Variants in PTBP3 observed in about 807,000 individuals in gnomAD.
The protein encoded by PTBP3 is polypyrimidine tract-binding protein 3.
PTBP3 carries 20 observed loss-of-function variants against 58.7 expected under a neutral mutation model. The observed-to-expected ratio is 0.34, with a 90% CI of 0.24 to 0.50. The LOEUF (loss-of-function observed/expected upper bound fraction) is 0.50, where lower values mean the gene tolerates loss of function less well. PTBP3 is among the 20% of genes least tolerant of loss of function. The probability of loss-of-function intolerance (pLI) is 0.98; values close to 1 mark genes in which losing one functional copy is unlikely to be tolerated. For synonymous variants in PTBP3, 185 were observed against 219.8 expected (o/e 0.84, Z 1.40); for missense variants, 509 against 637.2 (o/e 0.80, Z 2.17).
chr9:112,318,598 A>G (rs1829799921), intron 1 of PTBP3, among the ~76,000 whole-genome samples: 1 of 151,812 alleles, frequency 6.6e-6, no homozygotes, highest in East Asian at 1.9e-4. Context: ...CATCGTGACT[A>G]AAAATATAAA....
At chr9:112,359,061 C>G in the PTBP3 span, among the ~76,000 whole-genome samples, 7 of 152,152 alleles carry the variant, frequency 4.6e-5, no homozygotes, top group Non-Finnish European at 8.8e-5. Flanking sequence ...GTCTCAAACG[C>G]CAGGACTCAG....
intron 9 of PTBP3, among the ~76,000 whole-genome samples, 196 bp downstream of exon 9, chr9:112,231,903 T>TGAAAA (rs1165224340): frequency 8.0e-6 from 1 of 124,332 alleles, no homozygotes; most frequent in Non-Finnish European, 1.7e-5. Context: ...AAATCCTTTC[T>TGAAAA]GAAAAGAAAA....
At chr9:112,351,379 C>T in the PTBP3 span, among the ~76,000 whole-genome samples, 1 of 152,256 alleles carries the variant, frequency 6.6e-6, no homozygotes, top group Non-Finnish European at 1.5e-5. Context: ...AGATAAAGTG[C>T]CATTGACGTC....
At chr9:112,340,789 T>C in the PTBP3 span, among the ~76,000 whole-genome samples, 2 of 151,958 alleles carry the variant, frequency 1.3e-5, no homozygotes, top group African/African-American at 4.8e-5. Context: ...TGAGGCAGAA[T>C]TGTTTGAACC....
chr9:112,352,726 G>T, the PTBP3 span, among the ~76,000 whole-genome samples: 506 of 152,194 alleles, frequency 3.3e-3, 1 homozygote, highest in African/African-American at 0.011. Context: ...AAATCTCACC[G>T]CTTTCCTTGA....
the PTBP3 span, among the ~76,000 whole-genome samples, chr9:112,346,906 T>C: frequency 1.2e-4 from 18 of 152,264 alleles, no homozygotes; most frequent in South Asian, 8.3e-4. Context: ...GTATTTTTAG[T>C]AGAGATGGAG....
chr9:112,278,696 G>A (rs1006627444), intron 2 of PTBP3, among the ~76,000 whole-genome samples: 1 of 152,136 alleles, frequency 6.6e-6, no homozygotes, highest in African/African-American at 2.4e-5. Flanking sequence ...TAAAATACCT[G>A]GGCTATGTTA....
chr9:112,366,427 G>T, the PTBP3 span, among the ~76,000 whole-genome samples: 2 of 152,124 alleles, frequency 1.3e-5, no homozygotes, highest in African/African-American at 4.8e-5. Flanking sequence ...TGGGTCCAGT[G>T]TTCCCAAGCT....
intron 2 of PTBP3, among the ~76,000 whole-genome samples, chr9:112,284,848 T>A (rs1203308271): frequency 2.3e-5 from 1 of 43,282 alleles, no homozygotes; most frequent in East Asian, 4.4e-4. Flanking sequence ...ATCCAATGCC[T>A]GTACCCCCGT....
chr9:112,323,616 A>G (rs1830037575), intron 1 of PTBP3, among the ~76,000 whole-genome samples: 1 of 152,236 alleles, frequency 6.6e-6, no homozygotes. Context: ...AATGCTAGAA[A>G]TAAAAAACAC....
intron 8 of PTBP3, among the ~76,000 whole-genome samples, chr9:112,233,798 A>G (rs1835341195): frequency 6.6e-6 from 1 of 152,024 alleles, no homozygotes; most frequent in African/African-American, 2.4e-5. Flanking sequence ...GGGCGTGGTG[A>G]CATGCACTTC....
intron 1 of PTBP3, among the ~76,000 whole-genome samples, chr9:112,305,737 G>A (rs1829162512): frequency 6.6e-6 from 1 of 152,114 alleles, no homozygotes; most frequent in Non-Finnish European, 1.5e-5. Context: ...TCAGGAGATA[G>A]AGACCACCCT....
In PTBP3 at chr9:112,221,713, T is replaced by G; in HGVS notation, c.*2138A>C. 1.0e-6 allele frequency: 1 copy of G among 985,202 alleles called. No individual in the cohort carries two copies. The highest frequency in any genetic ancestry group is 1.2e-6 in the Non-Finnish European group (1 of 829,724). 61.0% of individuals were successfully genotyped at this position (985,202 alleles called of 1,614,324 possible). On this transcript the variant is annotated 3_prime_UTR_variant, in exon 14 of 14. Transcript: ENST00000374257. Reference sequence around the variant, plus strand: ...TATCTATTCAGCCAAACTGATCCATTTGAAAAGTCTTAACTTAGTATCCCT... The same window carrying G: ...TATCTATTCAGCCAAACTGATCCATGTGAAAAGTCTTAACTTAGTATCCCT...
the PTBP3 span, among the ~76,000 whole-genome samples, chr9:112,377,245 G>A: frequency 7.9e-5 from 12 of 152,198 alleles, no homozygotes; most frequent in Admixed American, 2.0e-4. Flanking sequence ...GCACATGCCC[G>A]TGGTCCTGGC....
intron 1 of PTBP3, chr9:112,332,973 C>T: frequency 7.1e-7 from 1 of 1,415,236 alleles, no homozygotes; most frequent in Non-Finnish European, 9.3e-7. Context: ...GACCAGGTCG[C>T]CGCCCAGACG....
At position 112,253,001 on chromosome 9, in the gene PTBP3, C is replaced by T. The variant is rs531942538; in HGVS notation, c.517-213G>A. Among the ~76,000 whole-genome samples the T allele has an allele frequency of 2.6e-5, 4 of 152,190 alleles. No homozygotes were observed. The East Asian group carries it at 7.7e-4, about 29-fold the overall frequency. ...ACACAACAGGCACTTAAATAACTAG[C>T]CTATTTTATGGGATATATAAATGGT... On this transcript the variant is annotated intron_variant, in intron 5 of 13. Transcript: ENST00000374257.
At chr9:112,232,513 G>A (rs1835285242) in intron 8 of PTBP3, among the ~76,000 whole-genome samples, 2 of 152,120 alleles carry the variant, frequency 1.3e-5, no homozygotes, top group African/African-American at 4.8e-5. Flanking sequence ...AGGCTTTTCA[G>A]AGGGTCTATC....
chr9:112,303,690 C>A (rs1334080961), intron 1 of PTBP3, among the ~76,000 whole-genome samples: 1 of 150,938 alleles, frequency 6.6e-6, no homozygotes, highest in Non-Finnish European at 1.5e-5. Context: ...ATGGTGAAAC[C>A]CCGTCTCTAC....
At chr9:112,336,331 A>G (rs1280876159), upstream of PTBP3, among the ~76,000 whole-genome samples, 3 of 152,224 alleles carry the variant, frequency 2.0e-5, no homozygotes, top group Non-Finnish European at 4.4e-5. Context: ...CCCTAGAAGT[A>G]GAATTGAGAA....
Sources: allele counts gnomAD v4.1 joint callset (sites outside exome capture counted in the v4.1 genomes callset), GRCh38; gene constraint gnomAD v4.1.1; transcripts MANE v1.5; gene names NCBI Gene and HGNC (gene_info 2026-07-23, HGNC 2026-07-21).